Variants in PDE4D observed in about 807,000 individuals in gnomAD.
PDE4D encodes the protein 3',5'-cyclic-AMP phosphodiesterase 4D.
A neutral mutation model predicts 87.4 loss-of-function variants in PDE4D; 24 were observed. That is an observed-to-expected ratio of 0.27 (90% confidence interval 0.20 to 0.39). PDE4D has a LOEUF of 0.39. Ranked by LOEUF, PDE4D falls within the 10% of genes least tolerant of loss-of-function variation. The probability of loss-of-function intolerance (pLI) is 1.00; values close to 1 mark genes in which losing one functional copy is unlikely to be tolerated. For missense variants in PDE4D, 714 were observed against 1,041.0 expected, an observed-to-expected ratio of 0.69 and a Z score of 4.32; for synonymous variants, 384 against 383.2, an observed-to-expected ratio of 1.00 and a Z score of -0.02.
chr5:59,745,237 A>T (rs1353468385), intron 1 of PDE4D, among the ~76,000 whole-genome samples: 2 of 152,186 alleles, frequency 1.3e-5, no homozygotes, highest in African/African-American at 2.4e-5. Flanking sequence ...AGGATAAGCC[A>T]GTCTCTAGAA....
At chr5:60,421,203 G>A (rs1436093302) in intron 1 of PDE4D, among the ~76,000 whole-genome samples, 1 of 151,952 alleles carries the variant, frequency 6.6e-6, no homozygotes, top group African/African-American at 2.4e-5. Context: ...CATGGCGTTT[G>A]AGCTTTGAGA....
At chr5:59,162,869 T>A (rs534380189) in intron 5 of PDE4D, among the ~76,000 whole-genome samples, 2,949 of 86,406 alleles carry the variant, frequency 0.034, 123 homozygotes, top group African/African-American at 0.12. Context: ...AAAAAAAAAT[T>A]GTAATTAAAT....
At chr5:60,109,687 A>C (rs1409765971) in intron 2 of PDE4D, among the ~76,000 whole-genome samples, 2 of 152,248 alleles carry the variant, frequency 1.3e-5, no homozygotes, top group African/African-American at 4.8e-5. Flanking sequence ...AGACATAAAA[A>C]ATGATGAGTT....
At chr5:59,867,156 G>T (rs550151193) in intron 1 of PDE4D, among the ~76,000 whole-genome samples, 13 of 152,126 alleles carry the variant, frequency 8.5e-5, no homozygotes, top group South Asian at 2.1e-4. Context: ...ATTGAGATGT[G>T]TAGAGAGAGA....
At chr5:58,976,303 AT>A in intron 13 of PDE4D, 46 bp downstream of exon 13, 1 of 1,600,538 alleles carries the variant, frequency 6.2e-7, no homozygotes, top group Non-Finnish European at 8.5e-7. Flanking sequence ...ACATGTGCAC[AT>A]GTGCACAGAC....
chr5:59,781,784 CAAAAAAAAAAAAAA>C (rs58613622), intron 1 of PDE4D, among the ~76,000 whole-genome samples: 22 of 39,862 alleles, frequency 5.5e-4, no homozygotes, highest in Non-Finnish European at 1.4e-4. Flanking sequence ...CACTCCATCT[CAAAAAAAAAAAAAA>C]AAAAAAAAAA....
intron 1 of PDE4D, among the ~76,000 whole-genome samples, chr5:59,232,829 C>T (rs28885736): frequency 0.38 from 45,164 of 118,930 alleles, 7,129 homozygotes; most frequent in Admixed American, 0.47. Context: ...TATATATATA[C>T]ACACACACAT....
intron 1 of PDE4D, among the ~76,000 whole-genome samples, chr5:59,479,922 G>A (rs879352205): frequency 2.6e-5 from 4 of 151,902 alleles, no homozygotes; most frequent in Admixed American, 2.0e-4. Context: ...CATATATCTT[G>A]TAAATTCAGA....
At chr5:60,168,199 T>C (rs1454680498) in intron 2 of PDE4D, among the ~76,000 whole-genome samples, 3 of 152,180 alleles carry the variant, frequency 2.0e-5, no homozygotes, top group Non-Finnish European at 4.4e-5. Context: ...GTGGACATAG[T>C]GAAAGAACAG....
rs1758274685 is a variant in PDE4D at position 59,951,334 on chromosome 5, G to A, written c.272+37154C>T. ...ATTGCAATTTAGAGATTGCACTCCAGTGTTTTAGAAACTAAAGTATGGTGG... is the reference window on the plus strand; with the variant it reads ...ATTGCAATTTAGAGATTGCACTCCAATGTTTTAGAAACTAAAGTATGGTGG... On this transcript the variant is annotated intron_variant, in intron 3 of 16. Transcript: ENST00000502484. Among the ~76,000 whole-genome samples the A allele has an allele frequency of 3.9e-5, 6 of 152,200 alleles. No individual in the cohort carries two copies. The South Asian group carries it at 1.0e-3, about 26-fold the overall frequency.
At chr5:60,422,948 A>C (rs1043858601) in intron 1 of PDE4D, among the ~76,000 whole-genome samples, 1 of 152,222 alleles carries the variant, frequency 6.6e-6, no homozygotes, top group African/African-American at 2.4e-5. Flanking sequence ...GAGACAAAGA[A>C]AGGCATTACA....
chr5:59,297,866 A>G (rs1468330970), intron 1 of PDE4D, among the ~76,000 whole-genome samples: 1 of 152,178 alleles, frequency 6.6e-6, no homozygotes, highest in Non-Finnish European at 1.5e-5. Context: ...GAAGAATGGC[A>G]TAGACACAAA....
At chr5:60,034,442 G>A (rs534545515) in intron 2 of PDE4D, among the ~76,000 whole-genome samples, 3 of 152,146 alleles carry the variant, frequency 2.0e-5, no homozygotes, top group South Asian at 2.1e-4. Flanking sequence ...CTTGGCTTGC[G>A]GCTTCACACC....
chr5:60,194,008 T>C (rs1309790232), intron 1 of PDE4D, among the ~76,000 whole-genome samples: 3 of 151,590 alleles, frequency 2.0e-5, no homozygotes, highest in African/African-American at 7.2e-5. Context: ...GCTCTAGTTC[T>C]AACTGGTTCT....
At chr5:60,431,453 T>A in intron 1 of PDE4D, among the ~76,000 whole-genome samples, 1 of 140,076 alleles carries the variant, frequency 7.1e-6, no homozygotes, top group Middle Eastern at 4.1e-3. Context: ...GGGCAGAGGC[T>A]CTCCCCACAT....
intron 1 of PDE4D, among the ~76,000 whole-genome samples, chr5:59,427,981 A>G (rs980775230): frequency 1.6e-4 from 24 of 152,308 alleles, no homozygotes; most frequent in African/African-American, 5.3e-4. Context: ...CAAATATAGA[A>G]AGTAATTATA....
At chr5:60,085,690 C>T (rs1774448845) in intron 2 of PDE4D, among the ~76,000 whole-genome samples, 1 of 152,152 alleles carries the variant, frequency 6.6e-6, no homozygotes, top group African/African-American at 2.4e-5. Context: ...TCTACAGTTA[C>T]TCATTTTATT....
chr5:60,233,175 G>A (rs1031957546), intron 1 of PDE4D, among the ~76,000 whole-genome samples: 5 of 149,304 alleles, frequency 3.3e-5, no homozygotes, highest in East Asian at 1.9e-4. Flanking sequence ...GAAAGAGGTC[G>A]TTGTCACACA....
chr5:59,030,016 T>G (rs1342321970), intron 6 of PDE4D, among the ~76,000 whole-genome samples: 1 of 151,978 alleles, frequency 6.6e-6, no homozygotes, highest in African/African-American at 2.4e-5. Context: ...TATCTCACAC[T>G]CCATATAAAA....
Sources: allele counts gnomAD v4.1 joint callset (sites outside exome capture counted in the v4.1 genomes callset), GRCh38; gene constraint gnomAD v4.1.1; transcripts MANE v1.5; gene names NCBI Gene and HGNC (gene_info 2026-07-23, HGNC 2026-07-21).